KPNA4: variants seen among roughly 807,000 people sequenced by gnomAD.
KPNA4 encodes the protein importin subunit alpha-3.
Under a neutral mutation model 71.3 loss-of-function variants are expected in KPNA4, and 13 were observed. The ratio of observed to expected loss-of-function variants is 0.18; its 90% CI spans 0.12 to 0.29. The LOEUF is 0.29. Ranked by LOEUF, KPNA4 falls within the 10% of genes least tolerant of loss-of-function variation. The probability of loss-of-function intolerance (pLI) is 1.00; values close to 1 mark genes in which losing one functional copy is unlikely to be tolerated. For missense variants in KPNA4, 334 were observed against 603.2 expected (o/e 0.55, Z 4.67); for synonymous variants, 189 against 195.2 (o/e 0.97, Z 0.26).
At chr3:160,544,661 A>G (rs1451763) in intron 1 of KPNA4, among the ~76,000 whole-genome samples, 122,406 of 152,170 alleles carry the variant, frequency 0.8, 50,473 homozygotes, top group African/African-American at 0.95. Flanking sequence ...AAAGACACTG[A>G]GAAAAATTAC....
chr3:160,549,386 T>C (rs183338656), intron 1 of KPNA4, among the ~76,000 whole-genome samples: 65 of 152,298 alleles, frequency 4.3e-4, no homozygotes, highest in Non-Finnish European at 1.5e-4. Context: ...CTTTCTCTAT[T>C]TTCTTCTAGT....
At chr3:160,514,279 C>T in intron 12 of KPNA4, 98 bp from the exon 13 acceptor site, 1 of 726,552 alleles carries the variant, frequency 1.4e-6, no homozygotes, top group Admixed American at 3.7e-5. Flanking sequence ...AATGATTTTA[C>T]TACGAAATGA....
intron 1 of KPNA4, among the ~76,000 whole-genome samples, chr3:160,550,723 T>C (rs902477477): frequency 6.6e-6 from 1 of 152,240 alleles, no homozygotes; most frequent in Non-Finnish European, 1.5e-5. Flanking sequence ...GCACTGAATT[T>C]TGTCAAAGTC....
chr3:160,518,825 C>T (rs966812842), intron 11 of KPNA4, among the ~76,000 whole-genome samples: 1 of 152,078 alleles, frequency 6.6e-6, no homozygotes, highest in African/African-American at 2.4e-5. Flanking sequence ...CATGCCATTG[C>T]ACTCCAGCCT....
chr3:160,509,212 C>A (rs918946198), intron 14 of KPNA4, among the ~76,000 whole-genome samples: 4 of 152,184 alleles, frequency 2.6e-5, no homozygotes, highest in African/African-American at 9.7e-5. Flanking sequence ...TCTTACATTC[C>A]TCACCCTAGT....
intron 15 of KPNA4, among the ~76,000 whole-genome samples, chr3:160,505,302 G>A (rs1720961991): frequency 6.6e-6 from 1 of 152,098 alleles, no homozygotes; most frequent in Non-Finnish European, 1.5e-5. Flanking sequence ...AATAAGTAAT[G>A]AGACATCTGC....
In KPNA4 at chr3:160,508,143, C is replaced by A; in HGVS notation, c.1336G>T (p.Ala446Ser). The A allele has an allele frequency of 1.2e-6, 2 of 1,606,448 alleles. No homozygotes were observed. Among genetic ancestry groups the A allele is most frequent in the Admixed American group, 1.7e-5 (1 of 58,828 alleles). The change falls in exon 15 of 17, where the codon GCA becomes TCA. Residue 446 changes from alanine to serine, a missense_variant. Ala to Ser is a moderately conservative substitution (Grantham distance 99, BLOSUM62 1). Coordinates refer to ENST00000334256, the MANE Select transcript of KPNA4 (RefSeq NM_002268.5). ...TCTATAAGATTGCCTATGGTTTCTGCCTCATCTTCAGCCATTTTTAATATA... is the reference window on the plus strand; with the variant it reads ...TCTATAAGATTGCCTATGGTTTCTGACTCATCTTCAGCCATTTTTAATATA... ...SNILKMAEDE[A>S]ETIGNLIEEC...
chr3:160,546,208 G>C (rs548612438), intron 1 of KPNA4, among the ~76,000 whole-genome samples: 1 of 152,294 alleles, frequency 6.6e-6, no homozygotes, highest in South Asian at 2.1e-4. Flanking sequence ...AAATCAGTGA[G>C]ATAGAAGGCA....
chr3:160,563,429 G>C (rs754339456), intron 1 of KPNA4, among the ~76,000 whole-genome samples: 3 of 152,204 alleles, frequency 2.0e-5, no homozygotes, highest in Non-Finnish European at 4.4e-5. Context: ...TTTTGGGGCC[G>C]TGAAAATGTT....
chr3:160,515,376 TA>T lies in KPNA4; in HGVS notation c.1032+75del, dbSNP rs1404262590. 92 of 1,297,096 alleles carry T rather than the reference TA, an allele frequency of 7.1e-5. 1 individual carries two copies. Among genetic ancestry groups the T allele is most frequent in the Admixed American group, 2.3e-4 (10 of 42,992 alleles). The allele number at this position is 1,297,096 out of a possible 1,614,324, so 80.3% of individuals were successfully genotyped here. A position where few individuals can be genotyped will look rare whatever the true frequency, so the allele number is the denominator to read the frequency against. Reference sequence around the variant, plus strand: ...TAAGAATCAATATTACAGACATTTCTAAGACTCTAATTTTACAAATAGAAAC... The same window carrying T: ...TAAGAATCAATATTACAGACATTTCTAGACTCTAATTTTACAAATAGAAAC... On this transcript the variant is annotated intron_variant, in intron 12 of 16. Transcript: ENST00000334256.
At chr3:160,558,531 C>A (rs1017066963) in intron 1 of KPNA4, among the ~76,000 whole-genome samples, 2 of 152,098 alleles carry the variant, frequency 1.3e-5, no homozygotes, top group Admixed American at 6.5e-5. Context: ...GAGTTCAAAC[C>A]CAGACCTAAG....
In KPNA4 at chr3:160,542,747, C is replaced by A. The variant is rs143582517; in HGVS notation, c.70-5907G>T. Among the ~76,000 whole-genome samples the A allele has an allele frequency of 2.3e-3, 348 of 152,094 alleles. 2 individuals are homozygous for A. Among genetic ancestry groups the A allele is most frequent in the African/African-American group, 7.7e-3 (321 of 41,478 alleles). ...TTTAAGAAGTGATAAGATTAATGGA[C>A]ACTGAGCATAAGTGAAGAGAAGTCT... On this transcript the variant is annotated intron_variant, in intron 1 of 16. Coordinates refer to ENST00000334256, the MANE Select transcript of KPNA4 (RefSeq NM_002268.5).
rs1361656319 is a variant in KPNA4 at position 160,501,057 on chromosome 3, T to C, written c.*1047A>G. 2 of 152,566 alleles carry C rather than the reference T, an allele frequency of 1.3e-5. No homozygotes were observed. The highest frequency in any genetic ancestry group is 2.4e-5 in the African/African-American group (1 of 41,438). 9.5% of individuals were successfully genotyped at this position (152,566 alleles called of 1,614,324 possible). On this transcript the variant is annotated 3_prime_UTR_variant, in exon 17 of 17. Coordinates refer to ENST00000334256, the MANE Select transcript of KPNA4 (RefSeq NM_002268.5). ...GCCTTTTAAGCACATTTTACTGTTT[T>C]ATACTATTATGGCAACTTGTGTACT... is the stretch of plus-strand genomic sequence containing the variant.
At chr3:160,524,274 A>G (rs1721419284) in intron 10 of KPNA4, among the ~76,000 whole-genome samples, 1 of 152,162 alleles carries the variant, frequency 6.6e-6, no homozygotes, top group Non-Finnish European at 1.5e-5. Flanking sequence ...GTCAACCAAG[A>G]TGTCTTGTTT....
In KPNA4 at chr3:160,500,095, T is replaced by C. The variant is rs1453026746; in HGVS notation, c.*2009A>G. ...TCTAGGTAAAAAGACAGGAAGCTAA[T>C]GTAAGCCATTGAATTATACTCTAAC... On this transcript the variant is annotated 3_prime_UTR_variant, in exon 17 of 17. Transcript: ENST00000334256. 2.0e-5 allele frequency: 3 copies of C among 151,760 alleles called. No homozygotes were observed. The highest frequency in any genetic ancestry group is 1.3e-4 in the Admixed American group (2 of 15,206). 9.4% of individuals were successfully genotyped at this position (151,760 alleles called of 1,614,324 possible).
chr3:160,548,630 C>T (rs759400971), intron 1 of KPNA4, among the ~76,000 whole-genome samples: 5 of 152,088 alleles, frequency 3.3e-5, no homozygotes, highest in African/African-American at 4.8e-5. Flanking sequence ...GTCAGAATTT[C>T]CTTCCTTTTT....
chr3:160,533,448 T>A (rs12637448), intron 5 of KPNA4, among the ~76,000 whole-genome samples: 55,040 of 143,196 alleles, frequency 0.38, 11,413 homozygotes, highest in Non-Finnish European at 0.49. Flanking sequence ...AGTGGAAATT[T>A]AAAAAAAAAA....
At chr3:160,503,608 T>C (rs1254502193) in intron 16 of KPNA4, among the ~76,000 whole-genome samples, 1 of 152,208 alleles carries the variant, frequency 6.6e-6, no homozygotes, top group Non-Finnish European at 1.5e-5. Flanking sequence ...ATTACAAACC[T>C]GTAGTGTACT....
At chr3:160,538,228 TA>T (rs891388457) in intron 1 of KPNA4, among the ~76,000 whole-genome samples, 7 of 151,272 alleles carry the variant, frequency 4.6e-5, no homozygotes, top group Admixed American at 2.0e-4. Flanking sequence ...TACATAAATG[TA>T]AAAAAAAGAG....
Sources: gnomAD v4.1 joint callset for allele counts (sites outside exome capture counted in the v4.1 genomes callset) on GRCh38, gnomAD v4.1.1 for gene constraint, MANE v1.5 for transcripts, NCBI Gene and HGNC (gene_info 2026-07-23, HGNC 2026-07-21) for gene names.